CIBAR1: variants seen among roughly 807,000 people sequenced by gnomAD.
CIBAR1 encodes the protein CBY1-interacting BAR domain-containing protein 1.
In CIBAR1, 25 loss-of-function variants were observed where a neutral mutation model predicts 44.0. The observed-to-expected ratio is 0.57, with a 90% confidence interval of 0.41 to 0.79. CIBAR1 has a LOEUF of 0.79. CIBAR1 is among the 30% of genes least tolerant of loss of function. The pLI is 0.00. For synonymous variants in CIBAR1, 115 were observed against 119.0 expected (o/e 0.97, Z 0.22); for missense variants, 278 against 344.8 (o/e 0.81, Z 1.53).
At chr8:93,717,356 T>G (rs966864740) in intron 6 of CIBAR1, among the ~76,000 whole-genome samples, 3 of 152,194 alleles carry the variant, frequency 2.0e-5, no homozygotes, top group Admixed American at 6.5e-5. Flanking sequence ...TAGAGATACT[T>G]TAATATGAAA....
chr8:93,704,644 A>G (rs1586257958), intron 3 of CIBAR1, among the ~76,000 whole-genome samples: 1 of 152,238 alleles, frequency 6.6e-6, no homozygotes, highest in South Asian at 2.1e-4. Flanking sequence ...ACCGCAATCA[A>G]AATTACACAT....
Position 93,728,395 on chromosome 8 carries a change from A to C in CIBAR1, c.*98A>C. 1 of 726,292 alleles carries C rather than the reference A, an allele frequency of 1.4e-6. No homozygotes were observed. Among genetic ancestry groups the C allele is most frequent in the Non-Finnish European group, 2.2e-6 (1 of 464,402 alleles). 45.0% of individuals were successfully genotyped at this position (726,292 alleles called of 1,614,324 possible). ...TTTGCTATGTTAAGCCTCAAAGTGA[A>C]GTCCAACTGGAAACAGAAAAATAAT... is the stretch of plus-strand genomic sequence containing the variant. On this transcript the variant is annotated 3_prime_UTR_variant, in exon 9 of 9. Transcript: ENST00000518322.
chr8:93,718,616 A>T, intron 6 of CIBAR1, 59 bp from the exon 7 acceptor site: 1 of 956,580 alleles, frequency 1.0e-6, no homozygotes, highest in Non-Finnish European at 1.6e-6. Context: ...GAATAAAGTT[A>T]CTATATTCAT....
At chr8:93,716,452 T>A (rs1253414927) in intron 6 of CIBAR1, among the ~76,000 whole-genome samples, 1 of 152,128 alleles carries the variant, frequency 6.6e-6, no homozygotes, top group East Asian at 1.9e-4. Context: ...CTGCTGAGCT[T>A]TTTAAATGTA....
chr8:93,727,215 A>G (rs1811557402), intron 8 of CIBAR1: 2 of 1,279,512 alleles, frequency 1.6e-6, no homozygotes, highest in African/African-American at 1.5e-5. Context: ...ATAAAATTCA[A>G]CAAACTTATT....
At chr8:93,723,586 A>AAC (rs1811356679) in intron 7 of CIBAR1, among the ~76,000 whole-genome samples, 1 of 151,944 alleles carries the variant, frequency 6.6e-6, no homozygotes, top group African/African-American at 2.4e-5. Flanking sequence ...CTTAACTGTT[A>AAC]ACATCATTCA....
At chr8:93,726,835 T>C (rs1274151984) in intron 8 of CIBAR1, 1 of 348,392 alleles carries the variant, frequency 2.9e-6, no homozygotes, top group Non-Finnish European at 5.5e-6. Context: ...GGTTTAAATC[T>C]CACTATCAAA....
At chr8:93,714,326 A>G (rs1286705679) in intron 6 of CIBAR1, among the ~76,000 whole-genome samples, 2 of 152,196 alleles carry the variant, frequency 1.3e-5, no homozygotes, top group African/African-American at 2.4e-5. Flanking sequence ...CAACCTTGCC[A>G]AACTTGATTA....
At chr8:93,705,042 G>C (rs1344489288) in intron 4 of CIBAR1, 32 bp downstream of exon 4, 1 of 1,469,438 alleles carries the variant, frequency 6.8e-7, no homozygotes, top group Admixed American at 1.7e-5. Flanking sequence ...TTAAAAAAAT[G>C]TTTAAGGTAT....
rs935274290 is a variant in CIBAR1 at position 93,729,331 on chromosome 8, CTT to C, written c.*1039_*1040del. Reference sequence around the variant, plus strand: ...CCTAAGTGACAAAGTTGTTTCAGTACTTTTTTGTAAAATATTTAAAACATTTT... The same window carrying C: ...CCTAAGTGACAAAGTTGTTTCAGTACTTTTGTAAAATATTTAAAACATTTT... On this transcript the variant is annotated 3_prime_UTR_variant, in exon 9 of 9. Coordinates refer to ENST00000518322, the MANE Select transcript of CIBAR1 (RefSeq NM_145269.5). The C allele has an allele frequency of 6.6e-6, 1 of 152,066 alleles. No homozygotes were observed. Among genetic ancestry groups the C allele is most frequent in the Non-Finnish European group, 1.5e-5 (1 of 67,954 alleles). The allele number at this position is 152,066 out of a possible 1,614,324, so 9.4% of individuals were successfully genotyped here. A position where few individuals can be genotyped will look rare whatever the true frequency, so the allele number is the denominator to read the frequency against.
intron 4 of CIBAR1, chr8:93,705,334 C>T: frequency 3.1e-6 from 1 of 325,294 alleles, no homozygotes; most frequent in East Asian, 5.0e-5. Flanking sequence ...AATTAAAGAT[C>T]TATTGTTAAT....
At chr8:93,718,869 C>CTTTT in intron 7 of CIBAR1, 81 bp downstream of exon 7, 2 of 691,890 alleles carry the variant, frequency 2.9e-6, no homozygotes, top group Admixed American at 3.7e-5. Flanking sequence ...TGATTAATAT[C>CTTTT]TTTTTTTTTT....
chr8:93,704,741 CAT>C (rs1810512232), intron 3 of CIBAR1, among the ~76,000 whole-genome samples, 166 bp from the exon 4 acceptor site: 2 of 152,300 alleles, frequency 1.3e-5, no homozygotes, highest in Middle Eastern at 3.4e-3. Context: ...TTCTCACATA[CAT>C]AGACACTAAT....
rs573273691 is a variant in CIBAR1, at chr8:93,723,510, TC to T, written c.658-2877del. ...CCACCCCCTAATTTAGGTCTCCTTT[TC>T]CCCCCCTCATAGATGTTAATTAAAT... On this transcript the variant is annotated intron_variant, in intron 7 of 8. Transcript: ENST00000518322. Among the ~76,000 whole-genome samples, 256 of 151,942 alleles carry T rather than the reference TC, an allele frequency of 1.7e-3. 3 individuals carry two copies. The highest frequency in any genetic ancestry group is 1.8e-3 in the Non-Finnish European group (123 of 67,960).
chr8:93,708,438 G>A (rs1173200377), intron 5 of CIBAR1, among the ~76,000 whole-genome samples: 3 of 152,066 alleles, frequency 2.0e-5, no homozygotes, highest in South Asian at 2.1e-4. Context: ...AATACAACTA[G>A]AGTAACTTTG....
chr8:93,725,499 C>G (rs1405603527), intron 7 of CIBAR1, among the ~76,000 whole-genome samples: 1 of 151,426 alleles, frequency 6.6e-6, no homozygotes, highest in Non-Finnish European at 1.5e-5. Flanking sequence ...GTGAAAAGCT[C>G]AATTGTAGTT....
chr8:93,725,547 GA>G (rs1227129631), intron 7 of CIBAR1, among the ~76,000 whole-genome samples: 2 of 151,728 alleles, frequency 1.3e-5, no homozygotes, highest in East Asian at 3.9e-4. Flanking sequence ...TGTTTAAAAA[GA>G]AAATGGAGAT....
At chr8:93,701,726 A>C in intron 2 of CIBAR1, 2 of 456,596 alleles carry the variant, frequency 4.4e-6, no homozygotes, top group Non-Finnish European at 7.9e-6. Flanking sequence ...GTGGCTGTTT[A>C]CTGGGGGTAG....
chr8:93,710,393 T>C (rs1810776896), intron 6 of CIBAR1, among the ~76,000 whole-genome samples: 1 of 151,422 alleles, frequency 6.6e-6, no homozygotes, highest in Non-Finnish European at 1.5e-5. Context: ...AAGACCAACA[T>C]TTCCAACCAG....
Sources: gnomAD v4.1 joint callset for allele counts (sites outside exome capture counted in the v4.1 genomes callset) on GRCh38, gnomAD v4.1.1 for gene constraint, MANE v1.5 for transcripts, NCBI Gene and HGNC (gene_info 2026-07-23, HGNC 2026-07-21) for gene names.